The following CFAP251 variants were observed in gnomAD, a reference collection of about 807,000 sequenced individuals.
CFAP251 encodes the protein cilia and flagella associated protein 251.
CFAP251 carries 93 observed loss-of-function variants against 126.7 expected under a neutral mutation model. That is an observed-to-expected ratio of 0.73 (90% CI 0.62 to 0.87). CFAP251 has a LOEUF of 0.87. CFAP251 is among the 40% of genes least tolerant of loss of function. The pLI is 0.00. For synonymous variants in CFAP251, 503 were observed against 506.9 expected (o/e 0.99, Z 0.10); for missense variants, 1,287 against 1,389.2 (o/e 0.93, Z 1.17).
chr12:121,946,925 G>A (rs1881347287), intron 7 of CFAP251, among the ~76,000 whole-genome samples: 1 of 152,110 alleles, frequency 6.6e-6, no homozygotes, highest in African/African-American at 2.4e-5. Context: ...TGGGTATGTT[G>A]TTGATTTTTG....
chr12:121,961,291 C>T (rs931225546), intron 14 of CFAP251, among the ~76,000 whole-genome samples: 1 of 144,606 alleles, frequency 6.9e-6, no homozygotes, highest in Non-Finnish European at 1.5e-5. Flanking sequence ...CCCTTCCTTC[C>T]TTCCCTTTCT....
At chr12:121,945,158 C>G (rs753924716) in intron 7 of CFAP251, among the ~76,000 whole-genome samples, 6 of 152,082 alleles carry the variant, frequency 3.9e-5, no homozygotes, top group Non-Finnish European at 8.8e-5. Flanking sequence ...CAAGACATAT[C>G]CTGAAATCTT....
At chr12:121,996,627 A>T (rs1435782699) in intron 19 of CFAP251, among the ~76,000 whole-genome samples, 1 of 152,160 alleles carries the variant, frequency 6.6e-6, no homozygotes, top group African/African-American at 2.4e-5. Flanking sequence ...AAAATTAGAA[A>T]ATACACAAAC....
At chr12:122,003,423 A>G (rs1324533990) in intron 21 of CFAP251, among the ~76,000 whole-genome samples, 2 of 151,922 alleles carry the variant, frequency 1.3e-5, no homozygotes, top group Admixed American at 1.3e-4. Context: ...AAATTTTAAA[A>G]TAAGCTGGGC....
intron 5 of CFAP251, among the ~76,000 whole-genome samples, chr12:121,941,377 A>G (rs1592973042): frequency 9.5e-6 from 1 of 104,924 alleles, no homozygotes. Flanking sequence ...TTTATCACCC[A>G]GGCTGGAGTG....
chr12:121,946,585 T>TTTTTG (rs969019334), intron 7 of CFAP251, among the ~76,000 whole-genome samples: 1 of 151,850 alleles, frequency 6.6e-6, no homozygotes, highest in African/African-American at 2.4e-5. Context: ...TTCAGCAGGG[T>TTTTTG]TTTTGTTTTG....
At position 121,924,000 on chromosome 12, in the gene CFAP251, A is replaced by G. The variant is rs1262037148; in HGVS notation, c.747+10A>G. 1.3e-6 allele frequency: 2 copies of G among 1,538,408 alleles called. No homozygotes were observed. Among genetic ancestry groups the G allele is most frequent in the Non-Finnish European group, 1.7e-6 (2 of 1,151,162 alleles). Reference sequence around the variant, plus strand: ...CCCGGTGTATCCCTTGGTAAGTGTAATGCTTTTAAATCTCCCCCAGTGCTT... The same window carrying G: ...CCCGGTGTATCCCTTGGTAAGTGTAGTGCTTTTAAATCTCCCCCAGTGCTT... On this transcript the variant is annotated intron_variant, in intron 3 of 21. Transcript: ENST00000288912.
At chr12:121,952,574 C>T (rs1881572007) in intron 9 of CFAP251, 1 of 152,062 alleles carries the variant, frequency 6.6e-6, no homozygotes, top group Non-Finnish European at 1.5e-5. Context: ...GTTGAGAAAA[C>T]ATTTTATCTT....
chr12:121,934,455 T>G (rs1420088071), intron 5 of CFAP251, 99 bp downstream of exon 5: 4 of 905,006 alleles, frequency 4.4e-6, no homozygotes, highest in Non-Finnish European at 6.8e-6. Context: ...GCCTAGAAAT[T>G]TGATTTGTTG....
intron 6 of CFAP251, 37 bp downstream of exon 6, chr12:121,942,682 C>CT: frequency 3.3e-6 from 5 of 1,530,126 alleles, no homozygotes; most frequent in Non-Finnish European, 4.5e-6. Context: ...CATCAGCGAG[C>CT]TGGCCGACCT....
At chr12:121,945,576 C>G (rs929611342) in intron 7 of CFAP251, among the ~76,000 whole-genome samples, 2 of 151,696 alleles carry the variant, frequency 1.3e-5, no homozygotes, top group Non-Finnish European at 2.9e-5. Flanking sequence ...ATCTCCTGAC[C>G]TCATGATCCG....
chr12:121,962,068 G>T lies in CFAP251; in HGVS notation c.2398G>T (p.Val800Phe). The T allele has an allele frequency of 6.2e-7, 1 of 1,614,008 alleles. No homozygotes were observed. Among genetic ancestry groups the T allele is most frequent in the Non-Finnish European group, 8.5e-7 (1 of 1,180,028 alleles). The change falls in exon 15 of 22, where the codon GTC (valine) becomes TTC (phenylalanine). Residue 800 changes from valine to phenylalanine, a missense_variant. Coordinates refer to ENST00000288912, the MANE Select transcript of CFAP251 (RefSeq NM_144668.6). Reference protein sequence around the residue: ...TDQGCYPTCMVWYPPLTRELF... With the variant: ...TDQGCYPTCMFWYPPLTRELF... Reference sequence around the variant, plus strand: ...CCAGGGCTGCTATCCCACCTGCATGGTCTGGTACCCACCACTCACCAGGGA... The same window carrying T: ...CCAGGGCTGCTATCCCACCTGCATGTTCTGGTACCCACCACTCACCAGGGA...
At chr12:121,938,595 G>T (rs1294104927) in intron 5 of CFAP251, among the ~76,000 whole-genome samples, 2 of 150,370 alleles carry the variant, frequency 1.3e-5, no homozygotes, top group Non-Finnish European at 3.0e-5. Context: ...CTCCCAAAGT[G>T]CTGGGATTAC....
chr12:121,971,888 T>C (rs1298708967), intron 17 of CFAP251: 1 of 408,662 alleles, frequency 2.4e-6, no homozygotes, highest in African/African-American at 2.0e-5. Context: ...TCCCCCATGT[T>C]GTTCTCGTGG....
At position 121,975,268 on chromosome 12, in the gene CFAP251, T is replaced by TG. The variant is rs758258218; in HGVS notation, c.2801dup (p.Glu935Ter). On this transcript the variant is annotated frameshift_variant, in exon 18 of 22. Transcript: ENST00000288912. LOFTEE classifies it high-confidence loss of function. ...GTGTCCTGGAGGCAGCGGTTTCTCT[T>TG]GGGGGTGAAGACTTGACCCCATTCT... The TG allele has an allele frequency of 3.7e-6, 6 of 1,613,944 alleles. No homozygotes were observed. The highest frequency in any genetic ancestry group is 3.3e-5 in the Admixed American group (2 of 59,990).
In CFAP251 at chr12:121,962,172, C is replaced by T. The variant is rs553964649; in HGVS notation, c.2492+10C>T. The T allele has an allele frequency of 8.5e-5, 137 of 1,610,508 alleles. No homozygotes were observed. The highest frequency in any genetic ancestry group is 5.7e-4 in the African/African-American group (43 of 74,974). Reference sequence around the variant, plus strand: ...CTACCAAAATGTGCAGGTAAGCACCCGGAGCTTCCCATTGCAGGGGGCGTG... The same window carrying T: ...CTACCAAAATGTGCAGGTAAGCACCTGGAGCTTCCCATTGCAGGGGGCGTG... On this transcript the variant is annotated intron_variant, in intron 15 of 21. Coordinates refer to ENST00000288912, the MANE Select transcript of CFAP251 (RefSeq NM_144668.6).
At chr12:121,978,675 A>T (rs1362715914) in intron 19 of CFAP251, among the ~76,000 whole-genome samples, 1 of 152,132 alleles carries the variant, frequency 6.6e-6, no homozygotes, top group African/African-American at 2.4e-5. Flanking sequence ...GTGCATATAC[A>T]TATGTATCGA....
intron 5 of CFAP251, among the ~76,000 whole-genome samples, chr12:121,935,121 T>G (rs1006126001): frequency 2.6e-5 from 4 of 152,066 alleles, no homozygotes; most frequent in Non-Finnish European, 5.9e-5. Flanking sequence ...ATATTTTATT[T>G]TATTGTATTA....
rs181633919 is a variant in CFAP251, at chr12:121,942,413, T to C, written c.999-121T>C. On this transcript the variant is annotated intron_variant, in intron 5 of 21. Coordinates refer to ENST00000288912, the MANE Select transcript of CFAP251 (RefSeq NM_144668.6). ...TATGACTCAGAAAGATTCCACTGTATGGATAGACCACATTTTGTTCTGTTT... is the reference window on the plus strand; with the variant it reads ...TATGACTCAGAAAGATTCCACTGTACGGATAGACCACATTTTGTTCTGTTT... The C allele has an allele frequency of 9.7e-6, 6 of 620,500 alleles. No homozygotes were observed. The Admixed American group carries it at 1.5e-4, about 15-fold the overall frequency. The allele number at this position is 620,500 out of a possible 1,614,324, so 38.4% of individuals were successfully genotyped here.
Sources: gnomAD v4.1 joint callset for allele counts (sites outside exome capture counted in the v4.1 genomes callset) on GRCh38, gnomAD v4.1.1 for gene constraint, MANE v1.5 for transcripts, NCBI Gene and HGNC (gene_info 2026-07-23, HGNC 2026-07-21) for gene names.